PACSIN2: variants seen among roughly 807,000 people sequenced by gnomAD.
The protein encoded by PACSIN2 is protein kinase C and casein kinase substrate in neurons protein 2.
PACSIN2 carries 25 observed loss-of-function variants against 63.8 expected under a neutral mutation model. The observed-to-expected ratio is 0.39, with a 90% CI of 0.29 to 0.55. The LOEUF (loss-of-function observed/expected upper bound fraction) is 0.55, where lower values mean the gene tolerates loss of function less well. PACSIN2 is among the 20% of genes least tolerant of loss of function. The pLI is 0.62. For synonymous variants in PACSIN2, 255 were observed against 256.2 expected (o/e 1.00, Z 0.05); for missense variants, 518 against 646.9 (o/e 0.80, Z 2.16).
intron 1 of PACSIN2, among the ~76,000 whole-genome samples, chr22:42,964,028 C>G (rs927816781): frequency 1.3e-5 from 2 of 152,164 alleles, no homozygotes; most frequent in African/African-American, 4.8e-5. Context: ...AAGGGTAGGA[C>G]ATTTTCATTA....
chr22:42,952,150 C>A (rs1933721463), intron 1 of PACSIN2, among the ~76,000 whole-genome samples: 1 of 152,126 alleles, frequency 6.6e-6, no homozygotes, highest in Admixed American at 6.5e-5. Flanking sequence ...TCCTTATGCA[C>A]CAGGATTTTG....
chr22:43,001,931 C>T (rs756009244), intron 1 of PACSIN2, among the ~76,000 whole-genome samples: 3 of 152,070 alleles, frequency 2.0e-5, no homozygotes, highest in Non-Finnish European at 2.9e-5. Flanking sequence ...CAGACCCTGG[C>T]AAATGAGCCA....
intron 4 of PACSIN2, 96 bp downstream of exon 4, chr22:42,890,851 G>T: frequency 2.1e-6 from 2 of 934,252 alleles, no homozygotes; most frequent in African/African-American, 1.6e-5. Context: ...TGTGCCTACA[G>T]CCAGTGGCAG....
chr22:42,941,861 C>G (rs1212951276), intron 1 of PACSIN2, among the ~76,000 whole-genome samples: 1 of 152,164 alleles, frequency 6.6e-6, no homozygotes, highest in Non-Finnish European at 1.5e-5. Context: ...ACTGCAACCT[C>G]TGACTCCTGG....
chr22:42,901,976 C>T (rs1237914403), intron 2 of PACSIN2, among the ~76,000 whole-genome samples: 1 of 152,252 alleles, frequency 6.6e-6, no homozygotes, highest in Non-Finnish European at 1.5e-5. Flanking sequence ...ATGCCACCAG[C>T]TGGCTGGCTC....
intron 1 of PACSIN2, among the ~76,000 whole-genome samples, chr22:42,924,409 A>C (rs1468119708): frequency 2.0e-5 from 3 of 152,222 alleles, no homozygotes; most frequent in African/African-American, 7.2e-5. Flanking sequence ...GCACTGCTGC[A>C]TGCTTTCTCA....
chr22:42,947,675 T>TGGG lies in PACSIN2; in HGVS notation c.-77-35521_-77-35519dup, dbSNP rs148517295. Among the ~76,000 whole-genome samples the TGGG allele has an allele frequency of 2.4e-3, 188 of 78,360 alleles. 3 individuals are homozygous for TGGG. The highest frequency in any genetic ancestry group is 6.7e-3 in the African/African-American group (183 of 27,336). The allele number at this position is 78,360 out of a possible 152,430, so 51.4% of individuals were successfully genotyped here. A position where few individuals can be genotyped will look rare whatever the true frequency, so the allele number is the denominator to read the frequency against. On this transcript the variant is annotated intron_variant, in intron 1 of 10. Transcript: ENST00000263246. ...TGAGTCTTCACAAGACCCCTGGGGG[T>TGGG]GGGGGGGGGGACCTCTTAATGATCC...
chr22:42,945,550 A>G (rs892541941), intron 1 of PACSIN2, among the ~76,000 whole-genome samples: 1 of 151,916 alleles, frequency 6.6e-6, no homozygotes, highest in African/African-American at 2.4e-5. Flanking sequence ...TGGGTTTTCT[A>G]CGTCAGAAAT....
rs1932970796 is a variant in PACSIN2 at position 42,937,657 on chromosome 22, C to T, written c.-77-25500G>A. ...TACGAGGTGCTTTCACTTACCACAC[C>T]CCTTGCCTGGCCACAAATCCTGCAC... is the stretch of plus-strand genomic sequence containing the variant. On this transcript the variant is annotated intron_variant, in intron 1 of 10. Transcript: ENST00000263246. Among the ~76,000 whole-genome samples the T allele has an allele frequency of 2.6e-5, 4 of 152,246 alleles. No individual in the cohort carries two copies. The South Asian group carries it at 8.3e-4, about 32-fold the overall frequency.
intron 1 of PACSIN2, among the ~76,000 whole-genome samples, chr22:42,915,263 G>A (rs1042297343): frequency 6.6e-6 from 1 of 152,164 alleles, no homozygotes; most frequent in Non-Finnish European, 1.5e-5. Context: ...TGAGGAGAGA[G>A]GTAATATAAC....
intron 1 of PACSIN2, chr22:42,946,998 G>A (rs73417275): frequency 0.016 from 2,499 of 152,330 alleles, 51 homozygotes; most frequent in African/African-American, 0.056. Flanking sequence ...CATACTTCCC[G>A]ACGACGCCTC....
At chr22:42,983,141 ACCCCGTCTC>A (rs1922341344) in intron 1 of PACSIN2, among the ~76,000 whole-genome samples, 1 of 151,648 alleles carries the variant, frequency 6.6e-6, no homozygotes. Flanking sequence ...ACATGGTAAA[ACCCCGTCTC>A]TACTGAAAAT....
At chr22:42,893,199 G>A (rs905676476) in intron 3 of PACSIN2, among the ~76,000 whole-genome samples, 9 of 152,242 alleles carry the variant, frequency 5.9e-5, no homozygotes, top group African/African-American at 2.2e-4. Context: ...GCAAGTGCAA[G>A]TGTGTCCTAT....
chr22:42,939,263 T>C (rs1350677001), intron 1 of PACSIN2, among the ~76,000 whole-genome samples: 1 of 152,306 alleles, frequency 6.6e-6, no homozygotes, highest in East Asian at 1.9e-4. Context: ...TAGCCTCTGG[T>C]TGGCAAGCAC....
chr22:42,950,495 C>T (rs73417280), intron 1 of PACSIN2, among the ~76,000 whole-genome samples: 8,309 of 57,002 alleles, frequency 0.15, 754 homozygotes, highest in African/African-American at 0.36. Context: ...TCCTAGGAGA[C>T]AGCATGAGGT....
At chr22:43,013,825 T>C (rs761408594) in intron 1 of PACSIN2, among the ~76,000 whole-genome samples, 10 of 152,286 alleles carry the variant, frequency 6.6e-5, no homozygotes, top group Non-Finnish European at 1.3e-4. Flanking sequence ...CAAGTAGCCC[T>C]GGAGACTCTG....
rs557016936 is a variant in PACSIN2 at position 42,938,304 on chromosome 22, C to T, written c.-77-26147G>A. Reference sequence around the variant, plus strand: ...TGAAAACACACACGGTTCTGAAGATCCCACAGAAAGATATGCCAATTAATC... The same window carrying T: ...TGAAAACACACACGGTTCTGAAGATTCCACAGAAAGATATGCCAATTAATC... On this transcript the variant is annotated intron_variant, in intron 1 of 10. Transcript: ENST00000263246. Among the ~76,000 whole-genome samples the T allele has an allele frequency of 3.3e-5, 5 of 152,228 alleles. No individual in the cohort carries two copies. In the South Asian group the frequency reaches 1.0e-3, roughly 32 times the overall value.
At chr22:42,939,090 G>A (rs565842346) in intron 1 of PACSIN2, among the ~76,000 whole-genome samples, 5 of 152,306 alleles carry the variant, frequency 3.3e-5, no homozygotes, top group East Asian at 1.9e-4. Context: ...CCGTCCCAGC[G>A]CAGCCCATCA....
At chr22:42,932,611 T>C (rs901803591) in intron 1 of PACSIN2, among the ~76,000 whole-genome samples, 3 of 152,184 alleles carry the variant, frequency 2.0e-5, no homozygotes, top group African/African-American at 7.2e-5. Flanking sequence ...TTGGTATCAA[T>C]TTTACTCACG....
Sources: allele counts gnomAD v4.1 joint callset (sites outside exome capture counted in the v4.1 genomes callset), GRCh38; gene constraint gnomAD v4.1.1; transcripts MANE v1.5; gene names NCBI Gene and HGNC (gene_info 2026-07-23, HGNC 2026-07-21).